Variants in HECTD4 observed in about 807,000 individuals in gnomAD.
HECTD4 encodes HECT domain E3 ubiquitin protein ligase 4.
HECTD4 carries 114 observed loss-of-function variants against 471.5 expected under a neutral mutation model. The observed-to-expected ratio is 0.24, with a 90% CI of 0.21 to 0.28. The LOEUF is 0.28. Among genes scored for constraint, HECTD4 ranks in the 10% least tolerant of loss-of-function variants. HECTD4 has a pLI of 1.00. For missense variants in HECTD4, 3,866 were observed against 5,651.5 expected (o/e 0.68, Z 10.13); for synonymous variants, 2,012 against 2,256.0 (o/e 0.89, Z 3.07).
chr12:112,259,371 A>G, intron 18 of HECTD4, 106 bp from the exon 19 acceptor site: 1 of 1,183,692 alleles, frequency 8.4e-7, no homozygotes, highest in Non-Finnish European at 1.2e-6. Context: ...GCACCTCCTT[A>G]AACTACTTAA....
chr12:112,268,803 A>C (rs200082391), intron 13 of HECTD4, among the ~76,000 whole-genome samples: 1 of 124,688 alleles, frequency 8.0e-6, no homozygotes, highest in African/African-American at 2.9e-5. Context: ...AAAACAAACC[A>C]AAAAAAAAAA....
chr12:112,183,076 T>C lies in HECTD4; in HGVS notation c.10970A>G (p.Asn3657Ser), dbSNP rs757197169. ...QGSPGLEDYF[N>S]DKSIKGEKLV... ...GAACCCACCTTTAATTGACTTATCA[T>C]TGAAATAATCTTCTAACCCTGGGCT... Residue 3657 changes from asparagine to serine, a missense_variant, in exon 62 of 76, where the codon AAT becomes AGT. Coordinates refer to ENST00000682272, the MANE Select transcript of HECTD4 (RefSeq NM_001388303.1). The C allele has an allele frequency of 6.2e-7, 1 of 1,612,966 alleles. No homozygotes were observed. The highest frequency in any genetic ancestry group is 1.1e-5 in the South Asian group (1 of 91,030).
Position 112,204,637 on chromosome 12 carries a change from C to T in HECTD4, c.8132-14G>A, listed in dbSNP as rs373204901. 97 of 1,607,188 alleles carry T rather than the reference C, an allele frequency of 6.0e-5. No individual in the cohort carries two copies. Among genetic ancestry groups the T allele is most frequent in the Non-Finnish European group, 7.5e-5 (88 of 1,175,342 alleles). On this transcript the variant is annotated splice_polypyrimidine_tract_variant and intron_variant, in intron 52 of 75. Transcript: ENST00000682272. Reference sequence around the variant, plus strand: ...TATCCACCATACCTAAAAAATATAACAGCACAGGGTAACTCCCCAAAGAGT... The same window carrying T: ...TATCCACCATACCTAAAAAATATAATAGCACAGGGTAACTCCCCAAAGAGT...
chr12:112,172,639 G>A (rs772682438), intron 67 of HECTD4, 32 bp downstream of exon 67: 4 of 1,603,126 alleles, frequency 2.5e-6, no homozygotes, highest in Non-Finnish European at 2.6e-6. Flanking sequence ...GCATCAGGCA[G>A]CAGGGGAGGG....
At chr12:112,297,693 T>C (rs73207645) in intron 7 of HECTD4, among the ~76,000 whole-genome samples, 7,833 of 152,100 alleles carry the variant, frequency 0.051, 270 homozygotes, top group South Asian at 0.094. Flanking sequence ...GGGGCATATT[T>C]AGCTTGAGGT....
rs1459739417 is a variant in HECTD4, at chr12:112,381,540, G to GA, written c.177+411dup. ...AAAAGGATGGGAGGGTACACAGCGT[G>GA]AAAATCAAAATGTTCCCAAAGCTAA... On this transcript the variant is annotated intron_variant, in intron 1 of 75. Transcript: ENST00000682272. This position sits in a 1 kb window ranked among gnomAD's most constrained non-coding sequence, Gnocchi z 4.1. Among the ~76,000 whole-genome samples, 1 of 151,798 alleles carries GA rather than the reference G, an allele frequency of 6.6e-6. No individual in the cohort carries two copies. The highest frequency in any genetic ancestry group is 1.5e-5 in the Non-Finnish European group (1 of 67,954).
chr12:112,203,309 G>A, intron 54 of HECTD4: 1 of 192,494 alleles, frequency 5.2e-6, no homozygotes, highest in Non-Finnish European at 1.1e-5. Context: ...AAGGACAATG[G>A]GGACTTTTCC....
In HECTD4 at chr12:112,194,948, G is replaced by A. The variant is rs748067375; in HGVS notation, c.8686C>T (p.Arg2896Trp). The A allele has an allele frequency of 5.0e-6, 8 of 1,609,958 alleles. No homozygotes were observed. The East Asian group carries it at 6.7e-5, about 13-fold the overall frequency. Residue 2896 changes from arginine (R) to tryptophan (W), a missense_variant, in exon 56 of 76, where the codon CGG becomes TGG. Physicochemically the swap from Arg to Trp is moderately radical, Grantham distance 101. Coordinates refer to ENST00000682272, the MANE Select transcript of HECTD4 (RefSeq NM_001388303.1). The surrounding 1 kb of genome is among the most constrained non-coding windows in gnomAD (Gnocchi z 4.6). ...FTRLFHIPAI[R>W]DITLEHLQLL... The stretch of plus-strand genomic sequence containing the variant: ...TGCAGGTGCTCCAGGGTAATGTCCC[G>A]GATGGCAGGGATGTGGAAGAGGCGA...
chr12:112,242,266 G>T (rs1404003687), intron 32 of HECTD4, among the ~76,000 whole-genome samples: 1 of 152,190 alleles, frequency 6.6e-6, no homozygotes, highest in Non-Finnish European at 1.5e-5. Context: ...CAGAGGATGT[G>T]TTAATTTTTT....
At chr12:112,275,985 G>A (rs537754883) in intron 9 of HECTD4, among the ~76,000 whole-genome samples, 1 of 152,216 alleles carries the variant, frequency 6.6e-6, no homozygotes, top group Admixed American at 6.5e-5. Context: ...ACTCCACAAT[G>A]AGCCTTTCTT....
chr12:112,349,265 T>G (rs887319137), intron 1 of HECTD4, among the ~76,000 whole-genome samples: 11 of 151,272 alleles, frequency 7.3e-5, no homozygotes, highest in Non-Finnish European at 1.6e-4. Flanking sequence ...AACACATGCC[T>G]ATAGTCCCAG....
intron 32 of HECTD4, among the ~76,000 whole-genome samples, chr12:112,242,991 G>A (rs1166780746): frequency 6.6e-6 from 1 of 152,138 alleles, no homozygotes; most frequent in African/African-American, 2.4e-5. Context: ...AAGACATACT[G>A]AGCAAAACAA....
chr12:112,261,540 G>A (rs2034144917), intron 17 of HECTD4, 111 bp from the exon 18 acceptor site: 1 of 1,145,152 alleles, frequency 8.7e-7, no homozygotes, highest in Non-Finnish European at 1.2e-6. Flanking sequence ...AAATAATGAG[G>A]TGGACAGAAT....
Position 112,323,947 on chromosome 12 carries a change from CTTCTTTCT to C in HECTD4, c.178-4213_178-4206del, listed in dbSNP as rs140401737. 3.4e-3 allele frequency among the ~76,000 whole-genome samples: 228 copies of C among 66,730 alleles called. 10 individuals carry two copies. Among genetic ancestry groups the C allele is most frequent in the South Asian group, 5.4e-3 (8 of 1,470 alleles). The allele number at this position is 66,730 out of a possible 152,430, so 43.8% of individuals were successfully genotyped here. A position where few individuals can be genotyped will look rare whatever the true frequency, so the allele number is the denominator to read the frequency against. On this transcript the variant is annotated intron_variant, in intron 1 of 75. Transcript: ENST00000682272. ...ATTAGAGGTATTTTTTACTGAGGTG[CTTCTTTCT>C]TTCTTTCTTTCTTCCTTCCTTCCTT...
At chr12:112,380,148 G>C (rs1417813248) in intron 1 of HECTD4, among the ~76,000 whole-genome samples, 4 of 152,122 alleles carry the variant, frequency 2.6e-5, no homozygotes, top group African/African-American at 9.7e-5. Context: ...TAGTCTTTAA[G>C]AAACAAAGAG....
intron 70 of HECTD4, 92 bp from the exon 71 acceptor site, chr12:112,168,009 C>G: frequency 1.9e-6 from 2 of 1,037,082 alleles, no homozygotes; most frequent in Non-Finnish European, 3.0e-6. Flanking sequence ...GGAGCGGCTA[C>G]TCCTTCCACG....
intron 24 of HECTD4, 120 bp from the exon 25 acceptor site, chr12:112,250,497 C>T (rs924020096): frequency 6.3e-5 from 45 of 711,020 alleles, no homozygotes; most frequent in Non-Finnish European, 9.3e-5. Flanking sequence ...AGTAATTACT[C>T]ATCAAACCTT....
chr12:112,183,751 C>A (rs533099676), intron 61 of HECTD4, among the ~76,000 whole-genome samples: 3 of 152,344 alleles, frequency 2.0e-5, no homozygotes, highest in Admixed American at 1.3e-4. Context: ...ACATGGGATC[C>A]TGAAGTGGAA....
intron 2 of HECTD4, among the ~76,000 whole-genome samples, chr12:112,318,710 A>C (rs16942011): frequency 0.11 from 17,443 of 152,152 alleles, 1,412 homozygotes; most frequent in African/African-American, 0.23. Context: ...TATACTGAGA[A>C]ATCTTCCAAT....
Sources: gnomAD v4.1 joint callset for allele counts (sites outside exome capture counted in the v4.1 genomes callset) on GRCh38, gnomAD v4.1.1 for gene constraint, Gnocchi (gnomAD v3.1) non-coding constraint, MANE v1.5 for transcripts, NCBI Gene and HGNC (gene_info 2026-07-23, HGNC 2026-07-21) for gene names.